The following SPMAP2L variants were observed in gnomAD, a reference collection of about 807,000 sequenced individuals.
The protein encoded by SPMAP2L is sperm microtubule associated protein 2 like, also known as sperm microtubule associated protein 2-like.
chr4:56,600,828 G>C, the SPMAP2L span: 6 of 1,177,666 alleles, frequency 5.1e-6, no homozygotes, highest in African/African-American at 9.2e-5. Context: ...GTCTGTTGCA[G>C]TAATCCAGAA....
At chr4:56,622,245 C>A in the SPMAP2L span, among the ~76,000 whole-genome samples, 1 of 152,228 alleles carries the variant, frequency 6.6e-6, no homozygotes, top group Non-Finnish European at 1.5e-5. Context: ...AATCTTGACT[C>A]ATCCACACAA....
the SPMAP2L span, chr4:56,548,846 T>G: frequency 9.6e-5 from 139 of 1,451,404 alleles, no homozygotes; most frequent in Admixed American, 6.8e-4. Flanking sequence ...TATAGTACTA[T>G]TTTCACAGAC....
chr4:56,598,692 A>G, the SPMAP2L span, among the ~76,000 whole-genome samples: 1 of 150,534 alleles, frequency 6.6e-6, no homozygotes, highest in Admixed American at 6.6e-5. Context: ...GATCAAGGAG[A>G]GGAGGGGAGG....
chr4:56,555,948 G>T, the SPMAP2L span, among the ~76,000 whole-genome samples: 2 of 152,132 alleles, frequency 1.3e-5, no homozygotes, highest in Non-Finnish European at 2.9e-5. Flanking sequence ...TGATAAGAGA[G>T]ATGTTAATGA....
At chr4:56,537,131 C>T in the SPMAP2L span, among the ~76,000 whole-genome samples, 6 of 152,316 alleles carry the variant, frequency 3.9e-5, no homozygotes, top group East Asian at 7.7e-4. Flanking sequence ...ACTCCCTTCT[C>T]GTGGCCTCTG....
At chr4:56,541,213 C>T in the SPMAP2L span, among the ~76,000 whole-genome samples, 736 of 151,678 alleles carry the variant, frequency 4.9e-3, 7 homozygotes, top group African/African-American at 0.017. Context: ...TTGAATATAA[C>T]GACATTTAAA....
chr4:56,549,912 A>G, the SPMAP2L span, among the ~76,000 whole-genome samples: 1 of 152,204 alleles, frequency 6.6e-6, no homozygotes, highest in African/African-American at 2.4e-5. Context: ...CAAAAATTCC[A>G]AATAGTTCTA....
At chr4:56,541,424 A>G in the SPMAP2L span, among the ~76,000 whole-genome samples, 1 of 152,204 alleles carries the variant, frequency 6.6e-6, no homozygotes, top group Non-Finnish European at 1.5e-5. Flanking sequence ...ATTTGACATC[A>G]CTAGAGTCAT....
chr4:56,584,593 C>G, the SPMAP2L span: 2 of 1,535,084 alleles, frequency 1.3e-6, no homozygotes, highest in Non-Finnish European at 1.7e-6. Flanking sequence ...CAGACCCAAA[C>G]TATCATCCTT....
At chr4:56,606,648 G>A in the SPMAP2L span, among the ~76,000 whole-genome samples, 1 of 152,144 alleles carries the variant, frequency 6.6e-6, no homozygotes, top group Non-Finnish European at 1.5e-5. Context: ...AAGATTGCCA[G>A]TGTGGCTCAA....
chr4:56,541,822 CTTTT>C, the SPMAP2L span, among the ~76,000 whole-genome samples: 1 of 152,018 alleles, frequency 6.6e-6, no homozygotes, highest in South Asian at 2.1e-4. Context: ...TTCTTTCTTT[CTTTT>C]TTCTATAGAG....
At chr4:56,595,072 G>C in the SPMAP2L span, 2 of 1,610,896 alleles carry the variant, frequency 1.2e-6, no homozygotes, top group South Asian at 2.2e-5. Flanking sequence ...GGCCCCATGG[G>C]GCTCCAGTTC....
chr4:56,569,714 G>A, the SPMAP2L span, among the ~76,000 whole-genome samples: 1 of 152,038 alleles, frequency 6.6e-6, no homozygotes, highest in South Asian at 2.1e-4. Context: ...GGCTAAGGTG[G>A]GAGGATCACT....
the SPMAP2L span, among the ~76,000 whole-genome samples, chr4:56,545,643 C>T: frequency 6.9e-6 from 1 of 144,172 alleles, no homozygotes; most frequent in Non-Finnish European, 1.5e-5. Flanking sequence ...ATCGCTTGAA[C>T]TGGGGAGGTG....
the SPMAP2L span, among the ~76,000 whole-genome samples, chr4:56,571,765 T>C: frequency 6.6e-6 from 1 of 152,182 alleles, no homozygotes; most frequent in African/African-American, 2.4e-5. Flanking sequence ...GGAGGATTGC[T>C]TGAGCCCAGG....
chr4:56,625,544 A>G, the SPMAP2L span, among the ~76,000 whole-genome samples: 31 of 152,186 alleles, frequency 2.0e-4, no homozygotes, highest in Non-Finnish European at 3.4e-4. Flanking sequence ...GGGGGAGGTA[A>G]TTGAATCATG....
the SPMAP2L span, among the ~76,000 whole-genome samples, chr4:56,578,591 G>T: frequency 6.6e-6 from 1 of 152,008 alleles, no homozygotes; most frequent in African/African-American, 2.4e-5. Context: ...ACTATATGCT[G>T]TCTACAAAAG....
At chr4:56,605,466 T>TCTA in the SPMAP2L span, among the ~76,000 whole-genome samples, 2,340 of 152,308 alleles carry the variant, frequency 0.015, 56 homozygotes, top group African/African-American at 0.051. Flanking sequence ...TTTGATCCCA[T>TCTA]GGGAAAGTGA....
the SPMAP2L span, chr4:56,593,500 G>T: frequency 6.2e-7 from 1 of 1,600,512 alleles, no homozygotes; most frequent in Non-Finnish European, 8.6e-7. Context: ...CGTGGAGAGA[G>T]CTCATCAGAG....
Sources: allele counts gnomAD v4.1 joint callset (sites outside exome capture counted in the v4.1 genomes callset), GRCh38; gene constraint gnomAD v4.1.1; transcripts MANE v1.5; gene names NCBI Gene and HGNC (gene_info 2026-07-23, HGNC 2026-07-21).